Variants in NAB1 observed in about 807,000 individuals in gnomAD.
NAB1 encodes the protein NGFI-A binding protein 1.
In NAB1, 25 loss-of-function variants were observed where a neutral mutation model predicts 49.9. That is an observed-to-expected ratio of 0.50 (90% CI 0.37 to 0.70). NAB1 has a LOEUF of 0.70. NAB1 is among the 30% of genes least tolerant of loss of function. The probability of loss-of-function intolerance (pLI) is 0.00; values close to 1 mark genes in which losing one functional copy is unlikely to be tolerated. For synonymous variants in NAB1, 198 were observed against 215.6 expected (o/e 0.92, Z 0.71); for missense variants, 489 against 575.9 (o/e 0.85, Z 1.54).
intron 9 of NAB1, 85 bp from the exon 10 acceptor site, chr2:190,690,160 T>C (rs1451289494): frequency 5.3e-6 from 5 of 945,874 alleles, no homozygotes; most frequent in African/African-American, 1.6e-5. Flanking sequence ...TGATATGGAG[T>C]TTGGGGGTTT....
Position 190,684,850 on chromosome 2 carries a change from T to C in NAB1, c.1096-626T>C, listed in dbSNP as rs1197108282. ...ATACAGAGATAAATTTATATGTCAG[T>C]TGACTAATTGTATATTTAAAATATG... On this transcript the variant is annotated intron_variant, in intron 7 of 9. Transcript: ENST00000337386. This position sits in a 1 kb window ranked among gnomAD's most constrained non-coding sequence, Gnocchi z 4.6. Among the ~76,000 whole-genome samples, 4 of 152,238 alleles carry C rather than the reference T, an allele frequency of 2.6e-5. No individual in the cohort carries two copies. Among genetic ancestry groups the C allele is most frequent in the South Asian group, 2.1e-4 (1 of 4,836 alleles).
Position 190,676,030 on chromosome 2 carries a change from C to T in NAB1, c.1005+2878C>T, listed in dbSNP as rs1695052401. ...AGATAGTACTGGCTGTATAAAGTTACCACTCCCTTAAAACTTTTCACCAAG... is the reference window on the plus strand; with the variant it reads ...AGATAGTACTGGCTGTATAAAGTTATCACTCCCTTAAAACTTTTCACCAAG... On this transcript the variant is annotated intron_variant, in intron 6 of 9. Coordinates refer to ENST00000337386, the MANE Select transcript of NAB1 (RefSeq NM_005966.4). The surrounding 1 kb of genome is among the most constrained non-coding windows in gnomAD (Gnocchi z 4.6). Among the ~76,000 whole-genome samples the T allele has an allele frequency of 6.6e-6, 1 of 152,158 alleles. No individual in the cohort carries two copies. The highest frequency in any genetic ancestry group is 2.1e-4 in the South Asian group (1 of 4,824).
In NAB1 at chr2:190,689,097, A is replaced by G. The variant is rs1487753957; in HGVS notation, c.1376-1148A>G. ...CGCCTCGGCCCCACAAAGTGCTGGG[A>G]TTACAGGTGTGAGCCACTGTGCCCG... On this transcript the variant is annotated intron_variant, in intron 9 of 9. Coordinates refer to ENST00000337386, the MANE Select transcript of NAB1 (RefSeq NM_005966.4). This position sits in a 1 kb window ranked among gnomAD's most constrained non-coding sequence, Gnocchi z 4.3. Among the ~76,000 whole-genome samples the G allele has an allele frequency of 6.6e-6, 1 of 152,140 alleles. No homozygotes were observed. The highest frequency in any genetic ancestry group is 1.5e-5 in the Non-Finnish European group (1 of 68,032).
In NAB1 at chr2:190,664,586, CTTTTTTTTTTTTT is replaced by C. The variant is rs71027237; in HGVS notation, c.819+4607_819+4619del. 2.8e-4 allele frequency among the ~76,000 whole-genome samples: 17 copies of C among 61,156 alleles called. No homozygotes were observed. In the East Asian group the frequency reaches 3.7e-3, roughly 13 times the overall value. 40.1% of individuals were successfully genotyped at this position (61,156 alleles called of 152,430 possible). A position where few individuals can be genotyped will look rare whatever the true frequency, so the allele number is the denominator to read the frequency against. The stretch of plus-strand genomic sequence containing the variant: ...TCTTCCTCTCTTTCTTTCTTCTTTC[CTTTTTTTTTTTTT>C]TTTTTTTTTTTTTTTGTAGGGACAG... On this transcript the variant is annotated intron_variant, in intron 4 of 9. Coordinates refer to ENST00000337386, the MANE Select transcript of NAB1 (RefSeq NM_005966.4).
At chr2:190,661,512 G>A (rs1187035149) in intron 4 of NAB1, among the ~76,000 whole-genome samples, 1 of 152,048 alleles carries the variant, frequency 6.6e-6, no homozygotes, top group East Asian at 1.9e-4. Flanking sequence ...AAATACATGT[G>A]TTTTTTATCA....
rs1420466052 is a variant in NAB1 at position 190,675,258 on chromosome 2, A to G, written c.1005+2106A>G. Reference sequence around the variant, plus strand: ...ACCATTGGCCCTAAGTGTGATCATGATTCAGGCTGCTCACATTTAAGCCAC... The same window carrying G: ...ACCATTGGCCCTAAGTGTGATCATGGTTCAGGCTGCTCACATTTAAGCCAC... On this transcript the variant is annotated intron_variant, in intron 6 of 9. Transcript: ENST00000337386. The surrounding 1 kb of genome is among the most constrained non-coding windows in gnomAD (Gnocchi z 5.2). Among the ~76,000 whole-genome samples the G allele has an allele frequency of 6.6e-6, 1 of 152,210 alleles. No individual in the cohort carries two copies. Among genetic ancestry groups the G allele is most frequent in the Non-Finnish European group, 1.5e-5 (1 of 68,040 alleles).
At chr2:190,662,265 A>G (rs1694264240) in intron 4 of NAB1, among the ~76,000 whole-genome samples, 1 of 152,200 alleles carries the variant, frequency 6.6e-6, no homozygotes, top group South Asian at 2.1e-4. Flanking sequence ...CAACTGTTCA[A>G]GTACATAAGA....
At position 190,689,792 on chromosome 2, in the gene NAB1, T is replaced by C. The variant is rs1204259913; in HGVS notation, c.1376-453T>C. On this transcript the variant is annotated intron_variant, in intron 9 of 9. Coordinates refer to ENST00000337386, the MANE Select transcript of NAB1 (RefSeq NM_005966.4). This position sits in a 1 kb window ranked among gnomAD's most constrained non-coding sequence, Gnocchi z 4.3. Reference sequence around the variant, plus strand: ...GATTCCTTCATTGATGGTAAATATTTTAACCAGTAACAGTTATTTATGAAT... The same window carrying C: ...GATTCCTTCATTGATGGTAAATATTCTAACCAGTAACAGTTATTTATGAAT... Among the ~76,000 whole-genome samples, 1 of 152,088 alleles carries C rather than the reference T, an allele frequency of 6.6e-6. No individual in the cohort carries two copies. Among genetic ancestry groups the C allele is most frequent in the African/African-American group, 2.4e-5 (1 of 41,442 alleles).
At position 190,663,795 on chromosome 2, in the gene NAB1, A is replaced by G. The variant is rs563168441; in HGVS notation, c.819+3800A>G. 2.1e-3 allele frequency among the ~76,000 whole-genome samples: 320 copies of G among 152,282 alleles called. 2 individuals are homozygous for G. The highest frequency in any genetic ancestry group is 7.5e-3 in the African/African-American group (310 of 41,568). On this transcript the variant is annotated intron_variant, in intron 4 of 9. Transcript: ENST00000337386. The surrounding 1 kb of genome is among the most constrained non-coding windows in gnomAD (Gnocchi z 4.2). ...TTTCACTATGTATTGATTCAGTGTT[A>G]TTCCCAAAGTTTTGTTATGAGGTTA... is the stretch of plus-strand genomic sequence containing the variant.
intron 9 of NAB1, among the ~76,000 whole-genome samples, chr2:190,688,795 CCTTTCTTTCCTTT>C (rs1203929444): frequency 2.6e-5 from 4 of 151,310 alleles, no homozygotes; most frequent in African/African-American, 4.9e-5. Flanking sequence ...TTCTTTCCTT[CCTTTCTTTCCTTT>C]CTTTTCTTTC....
chr2:190,692,227 ATT>A lies in NAB1; in HGVS notation c.*1897_*1898del, dbSNP rs1695963632. 2 of 152,506 alleles carry A rather than the reference ATT, an allele frequency of 1.3e-5. No individual in the cohort carries two copies. Among genetic ancestry groups the A allele is most frequent in the Admixed American group, 6.6e-5 (1 of 15,260 alleles). 9.4% of individuals were successfully genotyped at this position (152,506 alleles called of 1,614,324 possible). A position where few individuals can be genotyped will look rare whatever the true frequency, so the allele number is the denominator to read the frequency against. The stretch of plus-strand genomic sequence containing the variant: ...CCTGTATTCTAATCTATTTTGAAAC[ATT>A]TTGTTTTTTTTTAATTGTGTCTTAC... On this transcript the variant is annotated 3_prime_UTR_variant, in exon 10 of 10. Transcript: ENST00000337386. This position sits in a 1 kb window ranked among gnomAD's most constrained non-coding sequence, Gnocchi z 5.2.
At position 190,663,284 on chromosome 2, in the gene NAB1, A is replaced by G. The variant is rs375125069; in HGVS notation, c.819+3289A>G. ...GTAAAGTTATTTATAGTTTTTTAAG[A>G]CCTAATATTGACCTAATATTGATTG... On this transcript the variant is annotated intron_variant, in intron 4 of 9. Coordinates refer to ENST00000337386, the MANE Select transcript of NAB1 (RefSeq NM_005966.4). This position sits in a 1 kb window ranked among gnomAD's most constrained non-coding sequence, Gnocchi z 4.2. Among the ~76,000 whole-genome samples the G allele has an allele frequency of 3.9e-4, 59 of 152,314 alleles. No individual in the cohort carries two copies. Among genetic ancestry groups the G allele is most frequent in the Non-Finnish European group, 6.5e-4 (44 of 68,028 alleles).
At position 190,685,377 on chromosome 2, in the gene NAB1, T is replaced by C; in HGVS notation, c.1096-99T>C. 2.8e-6 allele frequency: 3 copies of C among 1,089,328 alleles called. No individual in the cohort carries two copies. Among genetic ancestry groups the C allele is most frequent in the Non-Finnish European group, 2.6e-6 (2 of 773,232 alleles). The allele number at this position is 1,089,328 out of a possible 1,614,324, so 67.5% of individuals were successfully genotyped here. A position where few individuals can be genotyped will look rare whatever the true frequency, so the allele number is the denominator to read the frequency against. On this transcript the variant is annotated intron_variant, in intron 7 of 9. Transcript: ENST00000337386. This position sits in a 1 kb window ranked among gnomAD's most constrained non-coding sequence, Gnocchi z 4.5. ...TGAAGTGTGAACTAATTTTAATGAA[T>C]ACTAAATATATTTGCTGGAGTCTGA... is the stretch of plus-strand genomic sequence containing the variant.
At chr2:190,649,059 C>T (rs1246993796), upstream of NAB1, 1 of 134,996 alleles carries the variant, frequency 7.4e-6, no homozygotes, top group Non-Finnish European at 1.6e-5. The surrounding 1 kb of genome is among the most constrained non-coding windows in gnomAD (Gnocchi z 6.1). Context: ...GAGGGCAAGG[C>T]GCGGCGGGGG....
At chr2:190,688,773 T>C (rs925479618) in intron 9 of NAB1, among the ~76,000 whole-genome samples, 1 of 149,852 alleles carries the variant, frequency 6.7e-6, no homozygotes, top group Non-Finnish European at 1.5e-5. Context: ...TTTCTTTCTT[T>C]CTTCCTTTCC....
Position 190,690,416 on chromosome 2 carries a change from G to GT in NAB1, c.*84dup. ...TCATAGAAATAAGCCTTAATAACCA[G>GT]TGTTGCCTCATTCAGCTCAAACAGA... On this transcript the variant is annotated 3_prime_UTR_variant, in exon 10 of 10. Transcript: ENST00000337386. 9.3e-7 allele frequency: 1 copy of GT among 1,079,016 alleles called. No homozygotes were observed. The highest frequency in any genetic ancestry group is 1.4e-6 in the Non-Finnish European group (1 of 705,342). The allele number at this position is 1,079,016 out of a possible 1,614,324, so 66.8% of individuals were successfully genotyped here. A position where few individuals can be genotyped will look rare whatever the true frequency, so the allele number is the denominator to read the frequency against.
Position 190,666,586 on chromosome 2 carries a change from G to A in NAB1, c.820-3740G>A, listed in dbSNP as rs1300377299. On this transcript the variant is annotated intron_variant, in intron 4 of 9. Coordinates refer to ENST00000337386, the MANE Select transcript of NAB1 (RefSeq NM_005966.4). This position sits in a 1 kb window ranked among gnomAD's most constrained non-coding sequence, Gnocchi z 5.6. ...TGGCTGGGCATGGTGGCACATGCCT[G>A]TAGTCCCAGTAACTTGGGAGGCTGA... Among the ~76,000 whole-genome samples, 1 of 152,158 alleles carries A rather than the reference G, an allele frequency of 6.6e-6. No homozygotes were observed. The highest frequency in any genetic ancestry group is 1.5e-5 in the Non-Finnish European group (1 of 68,034).
intron 5 of NAB1, among the ~76,000 whole-genome samples, chr2:190,672,416 C>A (rs10200534): frequency 0.75 from 114,175 of 152,030 alleles, 43,637 homozygotes; most frequent in East Asian, 0.93. Flanking sequence ...TGAAATAATT[C>A]TGTGTCTTAC....
rs1454613119 is a variant in NAB1, at chr2:190,674,447, A to G, written c.1005+1295A>G. 2.0e-5 allele frequency among the ~76,000 whole-genome samples: 3 copies of G among 151,934 alleles called. No homozygotes were observed. Among genetic ancestry groups the G allele is most frequent in the Admixed American group, 6.6e-5 (1 of 15,260 alleles). ...TTTCTAAAGGGGCACCCTCTCCCCA[A>G]AATCACACTCAGGCTTATTCTCCTG... On this transcript the variant is annotated intron_variant, in intron 6 of 9. Transcript: ENST00000337386. The surrounding 1 kb of genome is among the most constrained non-coding windows in gnomAD (Gnocchi z 5.7).
Sources: gnomAD v4.1 joint callset for allele counts (sites outside exome capture counted in the v4.1 genomes callset) on GRCh38, gnomAD v4.1.1 for gene constraint, Gnocchi (gnomAD v3.1) non-coding constraint, MANE v1.5 for transcripts, NCBI Gene and HGNC (gene_info 2026-07-23, HGNC 2026-07-21) for gene names.